Variants in PDE4D observed in about 807,000 individuals in gnomAD.
The protein encoded by PDE4D is phosphodiesterase 4D.
A neutral mutation model predicts 87.4 loss-of-function variants in PDE4D; 24 were observed. The ratio of observed to expected loss-of-function variants is 0.27; its 90% confidence interval spans 0.20 to 0.39. The LOEUF is 0.39. PDE4D is among the 10% of genes least tolerant of loss of function. The pLI is 1.00. For missense variants in PDE4D, 714 were observed against 1,041.0 expected (o/e 0.69, Z 4.32); for synonymous variants, 384 against 383.2 (o/e 1.00, Z -0.02).
intron 1 of PDE4D, among the ~76,000 whole-genome samples, chr5:60,376,310 A>C (rs1330576936): frequency 2.0e-5 from 3 of 152,156 alleles, no homozygotes; most frequent in African/African-American, 7.2e-5. Context: ...AACAGAAGCA[A>C]AAAACAAAGG....
chr5:59,583,223 T>G (rs1027074997), intron 1 of PDE4D, among the ~76,000 whole-genome samples: 1 of 152,364 alleles, frequency 6.6e-6, no homozygotes, highest in Admixed American at 6.5e-5. Context: ...CTGAACATGT[T>G]AGTCACACTG....
intron 2 of PDE4D, among the ~76,000 whole-genome samples, chr5:60,015,202 T>C (rs1333776933): frequency 6.6e-6 from 1 of 152,158 alleles, no homozygotes; most frequent in Non-Finnish European, 1.5e-5. Context: ...TTATGTGATT[T>C]TGGACCTTGA....
intron 1 of PDE4D, among the ~76,000 whole-genome samples, chr5:59,833,345 G>A (rs1361163468): frequency 1.3e-5 from 2 of 152,042 alleles, no homozygotes; most frequent in Admixed American, 6.6e-5. Flanking sequence ...AGCAAGGAGA[G>A]GGAAGAAAAA....
chr5:59,650,154 C>T (rs1743215705), intron 1 of PDE4D, among the ~76,000 whole-genome samples: 1 of 151,702 alleles, frequency 6.6e-6, no homozygotes, highest in South Asian at 2.1e-4. Context: ...AGTACTTTCC[C>T]TCTCACTTTT....
At chr5:60,152,895 G>A (rs903542802) in intron 2 of PDE4D, among the ~76,000 whole-genome samples, 1 of 152,094 alleles carries the variant, frequency 6.6e-6, no homozygotes, top group Admixed American at 6.5e-5. Context: ...TTTGATTTCT[G>A]TAGCATCAAT....
At chr5:59,066,159 C>T (rs963569327) in intron 5 of PDE4D, among the ~76,000 whole-genome samples, 19 of 151,916 alleles carry the variant, frequency 1.3e-4, no homozygotes, top group Non-Finnish European at 2.1e-4. Context: ...GGTAAGATTC[C>T]AGATATGCAA....
chr5:59,322,006 C>G (rs968271253), intron 1 of PDE4D, among the ~76,000 whole-genome samples: 1 of 152,068 alleles, frequency 6.6e-6, no homozygotes, highest in Non-Finnish European at 1.5e-5. Flanking sequence ...TGCTACATAG[C>G]AATTAGAGAT....
intron 1 of PDE4D, among the ~76,000 whole-genome samples, chr5:59,631,454 T>TA (rs1831553203): frequency 6.6e-6 from 1 of 152,114 alleles, no homozygotes; most frequent in African/African-American, 2.4e-5. Flanking sequence ...TGTAAGAGAA[T>TA]AAAGATGGCC....
chr5:59,066,981 GCT>G (rs941290183), intron 5 of PDE4D, among the ~76,000 whole-genome samples: 1 of 144,610 alleles, frequency 6.9e-6, no homozygotes, highest in Non-Finnish European at 1.5e-5. Flanking sequence ...AAGCCACCCA[GCT>G]CGTGATTTAT....
chr5:60,075,881 T>C (rs746040733), intron 2 of PDE4D, among the ~76,000 whole-genome samples: 1 of 152,204 alleles, frequency 6.6e-6, no homozygotes, highest in Non-Finnish European at 1.5e-5. Context: ...CTCTTTTCTA[T>C]ACTGAGTGTT....
At chr5:59,705,467 C>A (rs1286087116) in intron 1 of PDE4D, among the ~76,000 whole-genome samples, 3 of 152,142 alleles carry the variant, frequency 2.0e-5, no homozygotes, top group Non-Finnish European at 2.9e-5. Flanking sequence ...ACACTTCTCA[C>A]TTTTCATGGA....
chr5:59,948,770 A>G (rs1290093536), intron 3 of PDE4D, among the ~76,000 whole-genome samples: 1 of 152,234 alleles, frequency 6.6e-6, no homozygotes, highest in African/African-American at 2.4e-5. Context: ...AGAGCTGCCA[A>G]TTAGTGAGAT....
At chr5:59,185,157 CA>C (rs748254123) in intron 4 of PDE4D, 31 bp downstream of exon 4, 2 of 1,560,468 alleles carry the variant, frequency 1.3e-6, no homozygotes, top group Non-Finnish European at 1.8e-6. Flanking sequence ...AAAAGTTCAG[CA>C]AAAAAGAGGG....
At chr5:60,023,350 T>G (rs998134941) in intron 2 of PDE4D, among the ~76,000 whole-genome samples, 1 of 152,172 alleles carries the variant, frequency 6.6e-6, no homozygotes, top group Non-Finnish European at 1.5e-5. Context: ...TTTCAACTTT[T>G]TTGTTTGAAA....
intron 1 of PDE4D, among the ~76,000 whole-genome samples, chr5:59,861,411 C>T (rs988494626): frequency 6.6e-6 from 1 of 152,072 alleles, no homozygotes; most frequent in East Asian, 1.9e-4. Flanking sequence ...GAGAAAAATG[C>T]TAAAATAGGT....
At chr5:60,224,185 T>C (rs1327410229) in intron 1 of PDE4D, among the ~76,000 whole-genome samples, 3 of 152,074 alleles carry the variant, frequency 2.0e-5, no homozygotes, top group Non-Finnish European at 2.9e-5. Flanking sequence ...AATTACAAAA[T>C]ATAATCTATA....
chr5:59,726,293 T>C (rs1003547675), intron 1 of PDE4D, among the ~76,000 whole-genome samples: 46 of 152,138 alleles, frequency 3.0e-4, no homozygotes, highest in Admixed American at 3.9e-4. Context: ...TCAAATTATA[T>C]GGTCATAAGC....
chr5:59,378,418 T>G (rs1289238953), intron 1 of PDE4D, among the ~76,000 whole-genome samples: 1 of 151,758 alleles, frequency 6.6e-6, no homozygotes, highest in African/African-American at 2.4e-5. Flanking sequence ...CATGTACCCC[T>G]GAACTTAAAA....
intron 1 of PDE4D, among the ~76,000 whole-genome samples, chr5:60,203,755 G>T (rs1742185778): frequency 6.6e-6 from 1 of 152,124 alleles, no homozygotes; most frequent in South Asian, 2.1e-4. Context: ...ATGAAAGATG[G>T]TGCAGGTATC....
Sources: gnomAD v4.1 joint callset for allele counts (sites outside exome capture counted in the v4.1 genomes callset) on GRCh38, gnomAD v4.1.1 for gene constraint, MANE v1.5 for transcripts, NCBI Gene and HGNC (gene_info 2026-07-23, HGNC 2026-07-21) for gene names.